The following TIAM2 variants were observed in gnomAD, a reference collection of about 807,000 sequenced individuals.
TIAM2 encodes the protein TIAM Rac1 associated GEF 2, also known as rho guanine nucleotide exchange factor TIAM2.
A neutral mutation model predicts 152.9 loss-of-function variants in TIAM2; 80 were observed. The ratio of observed to expected loss-of-function variants is 0.52; its 90% CI spans 0.44 to 0.63. The LOEUF is 0.63. TIAM2 is among the 30% of genes least tolerant of loss of function. The pLI is 0.00. For missense variants in TIAM2, 1,965 were observed against 2,120.1 expected (o/e 0.93, Z 1.44); for synonymous variants, 804 against 838.0 (o/e 0.96, Z 0.70).
chr6:155,060,368 C>T (rs1777549568), intron 1 of TIAM2, among the ~76,000 whole-genome samples: 1 of 152,166 alleles, frequency 6.6e-6, no homozygotes, highest in Admixed American at 6.5e-5. Context: ...CGCCATTGCA[C>T]TCCAGTCTAG....
At chr6:155,123,635 C>CT (rs1459506654) in intron 2 of TIAM2, among the ~76,000 whole-genome samples, 1 of 152,212 alleles carries the variant, frequency 6.6e-6, no homozygotes, top group Non-Finnish European at 1.5e-5. Context: ...GGGAGTGATT[C>CT]TGCGGCTTTG....
intron 1 of TIAM2, among the ~76,000 whole-genome samples, chr6:155,047,667 GGA>G (rs143874214): frequency 0.21 from 15,747 of 73,302 alleles, 2,000 homozygotes; most frequent in East Asian, 0.4. Flanking sequence ...GAGAGAGAGA[GGA>G]GAGAGAGAGA....
At chr6:155,050,048 T>G (rs1248667564) in intron 1 of TIAM2, among the ~76,000 whole-genome samples, 2 of 152,204 alleles carry the variant, frequency 1.3e-5, no homozygotes, top group Non-Finnish European at 2.9e-5. Flanking sequence ...GGTAAGAGAT[T>G]TCATTTTTTT....
intron 2 of TIAM2, among the ~76,000 whole-genome samples, chr6:155,117,308 T>C (rs772957334): frequency 2.4e-4 from 37 of 152,258 alleles, no homozygotes; most frequent in Admixed American, 5.2e-4. Flanking sequence ...CTGAAATATT[T>C]TCAGTTTCTG....
chr6:155,184,773 C>T (rs1780995274), intron 14 of TIAM2, among the ~76,000 whole-genome samples: 1 of 152,138 alleles, frequency 6.6e-6, no homozygotes, highest in African/African-American at 2.4e-5. Context: ...GTATCTCGTG[C>T]TTTCTCCTCC....
At chr6:155,165,917 C>T (rs543731273) in intron 9 of TIAM2, among the ~76,000 whole-genome samples, 8 of 152,138 alleles carry the variant, frequency 5.3e-5, no homozygotes, top group Admixed American at 3.3e-4. Flanking sequence ...AGTCACACTG[C>T]GTGCAGTGCT....
At chr6:155,133,112 T>C (rs141732981) in intron 4 of TIAM2, among the ~76,000 whole-genome samples, 1,854 of 152,296 alleles carry the variant, frequency 0.012, 16 homozygotes, top group Non-Finnish European at 0.02. Context: ...CCCAGCACTT[T>C]GGGAGGCTGA....
In TIAM2 at chr6:155,218,998, GCCGTGTTCTTGACCATCTCAGCCGCCCAC is replaced by G. The variant is rs1439846246; in HGVS notation, c.3168+7743_3168+7771del. On this transcript the variant is annotated intron_variant, in intron 15 of 26. Transcript: ENST00000682666. The surrounding 1 kb of genome is among the most constrained non-coding windows in gnomAD (Gnocchi z 4.5). ...CCCACCCGTGTTCTTGACCATCTCA[GCCGTGTTCTTGACCATCTCAGCCGCCCAC>G]CCGTGTTCTTGACCATCTCAGCCGC... 1.5e-4 allele frequency among the ~76,000 whole-genome samples: 11 copies of G among 74,732 alleles called. No individual in the cohort carries two copies. In the East Asian group the frequency reaches 4.0e-3, roughly 27 times the overall value. The allele number at this position is 74,732 out of a possible 152,430, so 49.0% of individuals were successfully genotyped here. A position where few individuals can be genotyped will look rare whatever the true frequency, so the allele number is the denominator to read the frequency against.
At position 155,156,779 on chromosome 6, in the gene TIAM2, C is replaced by T. The variant is rs984698737; in HGVS notation, c.2029-7636C>T. Among the ~76,000 whole-genome samples the T allele has an allele frequency of 2.6e-5, 4 of 152,244 alleles. No homozygotes were observed. Among genetic ancestry groups the T allele is most frequent in the African/African-American group, 9.6e-5 (4 of 41,468 alleles). On this transcript the variant is annotated intron_variant, in intron 7 of 26. Coordinates refer to ENST00000682666, the MANE Select transcript of TIAM2 (RefSeq NM_012454.4). The surrounding 1 kb of genome is among the most constrained non-coding windows in gnomAD (Gnocchi z 4.4). The stretch of plus-strand genomic sequence containing the variant: ...TTATCTGCAACTCCCTGAGCCCACC[C>T]TTCTGCTCCTTTCTTTGGGTTTTTC...
intron 1 of TIAM2, among the ~76,000 whole-genome samples, chr6:155,010,368 G>A (rs1244292365): frequency 6.6e-6 from 1 of 152,224 alleles, no homozygotes; most frequent in African/African-American, 2.4e-5. Flanking sequence ...ATGGGGTAAA[G>A]GGTTTGGGTA....
At chr6:155,222,928 A>T (rs1782107264) in intron 15 of TIAM2, among the ~76,000 whole-genome samples, 1 of 152,214 alleles carries the variant, frequency 6.6e-6, no homozygotes, top group Non-Finnish European at 1.5e-5. Context: ...ATTTCATTGA[A>T]GCTAAAACCT....
chr6:155,013,609 C>T (rs1207982052), intron 1 of TIAM2: 2 of 152,128 alleles, frequency 1.3e-5, no homozygotes, highest in Non-Finnish European at 2.9e-5. Flanking sequence ...TTCCTCCCAA[C>T]TCTTTCTAGG....
intron 8 of TIAM2, 61 bp from the exon 9 acceptor site, chr6:155,165,202 A>AT: frequency 7.2e-6 from 11 of 1,524,208 alleles, no homozygotes; most frequent in African/African-American, 1.4e-5. Flanking sequence ...CACTTCCTTC[A>AT]TTTTTTCTGC....
chr6:155,247,925 A>C (rs915927203), intron 19 of TIAM2, 75 bp from the exon 20 acceptor site: 4 of 1,504,054 alleles, frequency 2.7e-6, no homozygotes, highest in African/African-American at 1.4e-5. Flanking sequence ...ATGATCTATA[A>C]ATGTTAAAAG....
chr6:155,171,464 C>T (rs1296385018), intron 9 of TIAM2, among the ~76,000 whole-genome samples: 1 of 152,172 alleles, frequency 6.6e-6, no homozygotes, highest in Non-Finnish European at 1.5e-5. Context: ...GCCTTGGCCC[C>T]TTCTTCTGGA....
chr6:155,042,638 TG>T (rs1245079548), intron 1 of TIAM2, among the ~76,000 whole-genome samples: 16 of 152,288 alleles, frequency 1.1e-4, no homozygotes, highest in Non-Finnish European at 1.8e-4. Context: ...CAATCCATTC[TG>T]TCAAGGAACT....
At chr6:155,063,781 C>CAA (rs56808026) in intron 1 of TIAM2, among the ~76,000 whole-genome samples, 29,602 of 90,832 alleles carry the variant, frequency 0.33, 5,236 homozygotes, top group Non-Finnish European at 0.38. Flanking sequence ...GACTCTGTCT[C>CAA]AAAAAAAAAA....
chr6:155,176,832 A>G lies in TIAM2; in HGVS notation c.2378A>G (p.His793Arg), dbSNP rs1780770598. The change falls in exon 10 of 27, where the codon CAT (histidine) becomes CGT (arginine). Residue 793 changes from histidine to arginine, a missense_variant. Around this residue, in one of 3 missense-constraint regions of TIAM2, gnomAD observed 1,025 missense variants for 1,119.4 expected, o/e 0.92. Transcript: ENST00000682666. ...TACAAACAGGTCGATGAACTTCTGC[A>G]TATATATGGTTCAACAGTAGACGGT... is the stretch of plus-strand genomic sequence containing the variant. ...PSITQVDELL[H>R]IYGSTVDGVP... The G allele has an allele frequency of 6.2e-7, 1 of 1,611,602 alleles. No individual in the cohort carries two copies. The highest frequency in any genetic ancestry group is 8.5e-7 in the Non-Finnish European group (1 of 1,179,274).
rs776698982 is a variant in TIAM2 at position 155,240,538 on chromosome 6, G to A, written c.3177G>A (p.Glu1059=). ...CTCTTGTCCTCTCTCAGAGTGCTGAGCAGATCACTGCACTGTGCAGGAGTT... is the reference window on the plus strand; with the variant it reads ...CTCTTGTCCTCTCTCAGAGTGCTGAACAGATCACTGCACTGTGCAGGAGTT... ...EKMEQTFRSA[E]QITALCRSFN... The change falls in exon 16 of 27, where the codon GAG becomes GAA. Residue 1059 remains glutamate, a synonymous_variant. Transcript: ENST00000682666. The A allele has an allele frequency of 1.9e-6, 3 of 1,612,068 alleles. No individual in the cohort carries two copies. The East Asian group carries it at 6.7e-5, about 36-fold the overall frequency.
Sources: allele counts gnomAD v4.1 joint callset (sites outside exome capture counted in the v4.1 genomes callset), GRCh38; gene constraint gnomAD v4.1.1; regional missense constraint gnomAD v4.1.1; non-coding constraint Gnocchi (gnomAD v3.1); transcripts MANE v1.5; gene names NCBI Gene and HGNC (gene_info 2026-07-23, HGNC 2026-07-21).